PCDH15: variants seen among roughly 807,000 people sequenced by gnomAD.
PCDH15 encodes protocadherin related 15, also known as protocadherin-15.
A neutral mutation model predicts 178.5 loss-of-function variants in PCDH15; 129 were observed. The observed-to-expected ratio is 0.72, with a 90% CI of 0.63 to 0.84. The LOEUF is 0.84. Among genes scored for constraint, PCDH15 ranks in the 40% least tolerant of loss-of-function variants. PCDH15 has a pLI of 0.00. For synonymous variants in PCDH15, 800 were observed against 732.0 expected (o/e 1.09, Z -1.50); for missense variants, 2,230 against 2,099.9 (o/e 1.06, Z -1.21).
rs182385939 is a variant in PCDH15, at chr10:55,248,182, G to A, written c.-156+71417C>T. On this transcript the variant is annotated intron_variant, in intron 1 of 5. Transcript: ENST00000458638. ...ATAGAGGTAGAAGAGTACTGTATCT[G>A]CTCAAATACATACACATATATATAT... 5.3e-5 allele frequency among the ~76,000 whole-genome samples: 8 copies of A among 151,174 alleles called. No homozygotes were observed. The South Asian group carries it at 6.2e-4, about 12-fold the overall frequency.
intron 15 of PCDH15, among the ~76,000 whole-genome samples, chr10:54,121,856 T>C (rs1383912496): frequency 3.9e-5 from 6 of 152,074 alleles, no homozygotes; most frequent in South Asian, 4.1e-4. Flanking sequence ...CCAGTCCAGA[T>C]AGATTAACAG....
chr10:55,522,936 A>G (rs1490541217), intron 2 of PCDH15, among the ~76,000 whole-genome samples: 1 of 151,514 alleles, frequency 6.6e-6, no homozygotes, highest in Non-Finnish European at 1.5e-5. Context: ...TTGTAGTGGT[A>G]TATTTTGATT....
intron 2 of PCDH15, among the ~76,000 whole-genome samples, chr10:55,105,052 G>A (rs746793898): frequency 5.9e-5 from 9 of 152,276 alleles, no homozygotes; most frequent in Non-Finnish European, 8.8e-5. Flanking sequence ...ATTTTGTGCA[G>A]TTATGACTTA....
intron 18 of PCDH15, among the ~76,000 whole-genome samples, chr10:54,035,700 T>C (rs1169873536): frequency 6.6e-6 from 1 of 151,896 alleles, no homozygotes; most frequent in Non-Finnish European, 1.5e-5. Context: ...ATGTATGGGC[T>C]CTAAGTGTTT....
At chr10:55,040,798 GTAAAT>G (rs1159235944) in intron 2 of PCDH15, among the ~76,000 whole-genome samples, 1 of 151,904 alleles carries the variant, frequency 6.6e-6, no homozygotes, top group Non-Finnish European at 1.5e-5. Context: ...TAACACTAAA[GTAAAT>G]TAATTTCTCT....
At chr10:54,025,826 T>C (rs1310069165) in intron 18 of PCDH15, among the ~76,000 whole-genome samples, 2 of 151,998 alleles carry the variant, frequency 1.3e-5, no homozygotes, top group Non-Finnish European at 2.9e-5. Flanking sequence ...CCAGCAATGG[T>C]GGTCAAGCCC....
chr10:54,924,998 C>G (rs1049750424), intron 2 of PCDH15, among the ~76,000 whole-genome samples: 1 of 152,070 alleles, frequency 6.6e-6, no homozygotes, highest in Non-Finnish European at 1.5e-5. Flanking sequence ...CTTTTGGCAT[C>G]TTCATCATGA....
chr10:55,152,977 G>T (rs181873802), intron 2 of PCDH15, among the ~76,000 whole-genome samples: 32 of 151,186 alleles, frequency 2.1e-4, no homozygotes, highest in Admixed American at 1.9e-3. Context: ...TGTAGGTATA[G>T]GTAACTTTGT....
chr10:53,981,041 C>T (rs1415640065), intron 21 of PCDH15, among the ~76,000 whole-genome samples: 1 of 152,060 alleles, frequency 6.6e-6, no homozygotes, highest in African/African-American at 2.4e-5. Flanking sequence ...GATATTTACT[C>T]ATATCTGTAT....
intron 5 of PCDH15, among the ~76,000 whole-genome samples, chr10:54,349,151 T>C (rs905840645): frequency 2.6e-5 from 4 of 152,154 alleles, no homozygotes; most frequent in African/African-American, 9.7e-5. Flanking sequence ...CAGTATCGTC[T>C]GTGGAAATTT....
intron 3 of PCDH15, among the ~76,000 whole-genome samples, chr10:54,870,991 G>A (rs766289225): frequency 1.3e-5 from 2 of 151,918 alleles, no homozygotes; most frequent in Non-Finnish European, 2.9e-5. Flanking sequence ...TATAGCCCCC[G>A]GGCAATCTCA....
chr10:54,121,232 T>A (rs976170303), intron 15 of PCDH15, among the ~76,000 whole-genome samples: 5 of 147,806 alleles, frequency 3.4e-5, no homozygotes, highest in African/African-American at 1.0e-4. Flanking sequence ...ACATAAAAAA[T>A]TATTTGAAAT....
chr10:55,608,356 A>T (rs1843280648), intron 2 of PCDH15, among the ~76,000 whole-genome samples: 1 of 151,428 alleles, frequency 6.6e-6, no homozygotes, highest in Admixed American at 6.6e-5. Context: ...TACAGCAGGG[A>T]GAAGAGGCAA....
intron 7 of PCDH15, among the ~76,000 whole-genome samples, chr10:54,324,524 A>G (rs1415153712): frequency 6.6e-6 from 1 of 152,110 alleles, no homozygotes; most frequent in Non-Finnish European, 1.5e-5. Flanking sequence ...GAACATTGGA[A>G]GGCCAAGGTG....
intron 3 of PCDH15, among the ~76,000 whole-genome samples, chr10:54,810,019 C>T (rs1262415963): frequency 6.6e-6 from 1 of 152,110 alleles, no homozygotes; most frequent in Non-Finnish European, 1.5e-5. Flanking sequence ...TTTGATCAAA[C>T]ATTTAATATA....
At chr10:53,988,029 C>T (rs193138616) in intron 21 of PCDH15, among the ~76,000 whole-genome samples, 2 of 152,266 alleles carry the variant, frequency 1.3e-5, no homozygotes, top group East Asian at 1.9e-4. Context: ...CTCCTGTGTT[C>T]ACGTTTCTTT....
At chr10:54,968,087 T>C (rs1040771499) in intron 2 of PCDH15, among the ~76,000 whole-genome samples, 9 of 152,156 alleles carry the variant, frequency 5.9e-5, no homozygotes, top group African/African-American at 1.9e-4. Context: ...TTATGACCAT[T>C]TGCATTATTT....
Position 54,346,392 on chromosome 10 carries a change from A to G in PCDH15, c.567T>C (p.Tyr189=). 1 of 1,613,458 alleles carries G rather than the reference A, an allele frequency of 6.2e-7. No individual in the cohort carries two copies. The highest frequency in any genetic ancestry group is 1.1e-5 in the South Asian group (1 of 91,062). ...GATCATCTGGATTATACTGAATAAC[A>G]TACTCTATCTGTCCATTTGGTCCAT... ...IDDGPNGQIE[Y]VIQYNPDDPT... is the part of the protein sequence containing the mutation. The change falls in exon 6 of 38, where the codon TAT becomes TAC. Residue 189 remains tyrosine, a synonymous_variant. Coordinates refer to ENST00000644397, the MANE Select transcript of PCDH15 (RefSeq NM_001384140.1).
At chr10:54,557,885 A>AT (rs1443439569) in intron 2 of PCDH15, among the ~76,000 whole-genome samples, 3 of 152,054 alleles carry the variant, frequency 2.0e-5, no homozygotes, top group Non-Finnish European at 4.4e-5. Flanking sequence ...TAATTTAGGC[A>AT]TTTTTGGCTC....
Sources: allele counts gnomAD v4.1 joint callset (sites outside exome capture counted in the v4.1 genomes callset), GRCh38; gene constraint gnomAD v4.1.1; transcripts MANE v1.5; gene names NCBI Gene and HGNC (gene_info 2026-07-23, HGNC 2026-07-21).